Variants in FOXP1 observed in about 807,000 individuals in gnomAD.
FOXP1 encodes the protein forkhead box protein P1.
In FOXP1, 15 loss-of-function variants were observed where a neutral mutation model predicts 98.2. The ratio of observed to expected loss-of-function variants is 0.15; its 90% CI spans 0.10 to 0.24. The LOEUF is 0.24. FOXP1 is among the 10% of genes least tolerant of loss of function. FOXP1 has a pLI of 1.00. For missense variants in FOXP1, 633 were observed against 848.5 expected (o/e 0.75, Z 3.15); for synonymous variants, 371 against 314.5 (o/e 1.18, Z -1.90).
chr3:71,245,524 T>A (rs1354679160), intron 5 of FOXP1, among the ~76,000 whole-genome samples: 1 of 152,128 alleles, frequency 6.6e-6, no homozygotes, highest in Non-Finnish European at 1.5e-5. Context: ...GGATGTGAAT[T>A]TTCAATCCCT....
intron 2 of FOXP1, among the ~76,000 whole-genome samples, chr3:71,543,964 G>A (rs2045112092): frequency 6.6e-6 from 1 of 150,494 alleles, no homozygotes; most frequent in Admixed American, 6.6e-5. Context: ...TGCTGTGCCT[G>A]TGTGTGTTTA....
chr3:71,248,656 G>A (rs914880885), intron 5 of FOXP1, among the ~76,000 whole-genome samples: 32 of 151,606 alleles, frequency 2.1e-4, no homozygotes, highest in African/African-American at 6.1e-4. Flanking sequence ...CAGGAGAATC[G>A]CTTGAACCTG....
At chr3:71,475,707 T>G (rs1278390971) in intron 3 of FOXP1, among the ~76,000 whole-genome samples, 10 of 152,042 alleles carry the variant, frequency 6.6e-5, no homozygotes, top group Non-Finnish European at 1.3e-4. Flanking sequence ...GCTGGTGTGG[T>G]GCTGTGCACC....
intron 2 of FOXP1, chr3:71,581,182 T>C (rs2048132744): frequency 5.1e-6 from 5 of 985,124 alleles, no homozygotes; most frequent in African/African-American, 1.7e-5. Context: ...CAATACACTT[T>C]GTAATCAGCC....
Position 71,354,851 on chromosome 3 carries a change from C to T in FOXP1, c.-73+4299G>A, listed in dbSNP as rs865948523. ...CTCAGTGGCTAGGTAATGCTATTAC[C>T]CCTGCCCCAGGCAAGTAAACTGAGT... On this transcript the variant is annotated intron_variant, in intron 4 of 20. Coordinates refer to ENST00000649528, the MANE Select transcript of FOXP1 (RefSeq NM_001349338.3). Among the ~76,000 whole-genome samples the T allele has an allele frequency of 2.6e-5, 4 of 152,146 alleles. No homozygotes were observed. The South Asian group carries it at 8.3e-4, about 32-fold the overall frequency.
In FOXP1 at chr3:70,977,731, G is replaced by T. The variant is rs1293080527; in HGVS notation, c.1349-9C>A. ...GTTCTGCGCAATATCTGCTGAATAA[G>T]AATCATTGTCCTATTAATTATCACT... On this transcript the variant is annotated splice_polypyrimidine_tract_variant and intron_variant, in intron 15 of 20. Transcript: ENST00000649528. 6.2e-7 allele frequency: 1 copy of T among 1,613,754 alleles called. No individual in the cohort carries two copies.
chr3:71,196,127 T>C (rs1003438422), intron 6 of FOXP1, among the ~76,000 whole-genome samples: 5 of 152,186 alleles, frequency 3.3e-5, no homozygotes, highest in African/African-American at 1.2e-4. Flanking sequence ...CTTCCCAAAA[T>C]GTGTCAACGA....
At chr3:71,082,314 G>A (rs2107530961) in intron 7 of FOXP1, among the ~76,000 whole-genome samples, 1 of 151,462 alleles carries the variant, frequency 6.6e-6, no homozygotes, top group African/African-American at 2.4e-5. Context: ...AATAGACGGT[G>A]CTGATGTCTA....
Position 70,955,597 on chromosome 3 carries a change from A to G in FOXP1, c.*3650T>C. 4.3e-6 allele frequency: 1 copy of G among 233,212 alleles called. No homozygotes were observed. The highest frequency in any genetic ancestry group is 8.5e-6 in the Non-Finnish European group (1 of 117,940). 14.4% of individuals were successfully genotyped at this position (233,212 alleles called of 1,614,324 possible). A position where few individuals can be genotyped will look rare whatever the true frequency, so the allele number is the denominator to read the frequency against. ...TTTTTTTTTTTTATACAAAAGTTCA[A>G]TAGTTTTGACACTCCCCATTGTTAA... On this transcript the variant is annotated 3_prime_UTR_variant, in exon 21 of 21. Coordinates refer to ENST00000649528, the MANE Select transcript of FOXP1 (RefSeq NM_001349338.3).
At chr3:71,090,968 A>AT (rs1353300133) in intron 7 of FOXP1, among the ~76,000 whole-genome samples, 2 of 152,076 alleles carry the variant, frequency 1.3e-5, no homozygotes, top group Admixed American at 6.5e-5. Context: ...ATAAAATTCA[A>AT]TTTTTTGTGT....
In FOXP1 at chr3:71,116,525, T is replaced by A. The variant is rs527741550; in HGVS notation, c.181-3888A>T. Among the ~76,000 whole-genome samples the A allele has an allele frequency of 9.8e-5, 15 of 152,328 alleles. No homozygotes were observed. In the South Asian group the frequency reaches 2.7e-3, roughly 27 times the overall value. Reference sequence around the variant, plus strand: ...GGAGAGACAACACTAGTGCAGAGAATAATTCATTTTGATGTGAATTGCTAT... The same window carrying A: ...GGAGAGACAACACTAGTGCAGAGAAAAATTCATTTTGATGTGAATTGCTAT... On this transcript the variant is annotated intron_variant, in intron 6 of 20. Transcript: ENST00000649528.
At chr3:71,196,735 T>C (rs2063325059) in intron 6 of FOXP1, among the ~76,000 whole-genome samples, 1 of 152,232 alleles carries the variant, frequency 6.6e-6, no homozygotes, top group African/African-American at 2.4e-5. Flanking sequence ...TGCTGGGTTT[T>C]GCTAACAACC....
rs543277120 is a variant in FOXP1, at chr3:71,542,028, A to G, written c.-298+39521T>C. On this transcript the variant is annotated intron_variant, in intron 2 of 20. Transcript: ENST00000649528. Reference sequence around the variant, plus strand: ...AATACAAACATGGGCTTTCCAATATATAAAATTTAAGAAAAGCCAGGGTCT... The same window carrying G: ...AATACAAACATGGGCTTTCCAATATGTAAAATTTAAGAAAAGCCAGGGTCT... 1.7e-4 allele frequency: 89 copies of G among 534,142 alleles called. 1 individual carries two copies. Among genetic ancestry groups the G allele is most frequent in the South Asian group, 1.2e-3 (88 of 71,416 alleles). The allele number at this position is 534,142 out of a possible 1,614,324, so 33.1% of individuals were successfully genotyped here.
At chr3:71,300,281 AT>A (rs569061093) in intron 4 of FOXP1, among the ~76,000 whole-genome samples, 2 of 152,152 alleles carry the variant, frequency 1.3e-5, no homozygotes, top group East Asian at 1.9e-4. Flanking sequence ...GCAAAGACTT[AT>A]TTTTTTCCCC....
At chr3:71,447,703 T>C (rs2086579282) in intron 3 of FOXP1, among the ~76,000 whole-genome samples, 2 of 152,196 alleles carry the variant, frequency 1.3e-5, no homozygotes, top group Non-Finnish European at 1.5e-5. Flanking sequence ...TTGCAACAGA[T>C]AGAAGCAAAG....
At chr3:71,397,275 G>C (rs1432682456) in intron 3 of FOXP1, among the ~76,000 whole-genome samples, 1 of 151,436 alleles carries the variant, frequency 6.6e-6, no homozygotes, top group East Asian at 1.9e-4. Flanking sequence ...CGGAAGGAAC[G>C]AGATCTAACT....
In FOXP1 at chr3:70,996,738, C is replaced by T. The variant is rs2041422285; in HGVS notation, c.1062+4234G>A. 2.6e-5 allele frequency among the ~76,000 whole-genome samples: 4 copies of T among 152,284 alleles called. No homozygotes were observed. The South Asian group carries it at 8.3e-4, about 32-fold the overall frequency. ...TTTTATGATGACCCTCTAGGTTAGA[C>T]ATCCTGAACCTCCATCGATGTATAT... On this transcript the variant is annotated intron_variant, in intron 13 of 20. Coordinates refer to ENST00000649528, the MANE Select transcript of FOXP1 (RefSeq NM_001349338.3).
chr3:71,082,633 A>AT (rs1400567768), intron 7 of FOXP1, among the ~76,000 whole-genome samples: 5 of 151,652 alleles, frequency 3.3e-5, no homozygotes, highest in Non-Finnish European at 7.4e-5. Context: ...ATAAAATAAA[A>AT]AAAAAAGAAA....
At chr3:71,114,948 G>A (rs2058244198) in intron 6 of FOXP1, among the ~76,000 whole-genome samples, 1 of 152,154 alleles carries the variant, frequency 6.6e-6, no homozygotes, top group African/African-American at 2.4e-5. Flanking sequence ...AGTCCCCTTT[G>A]CAAGGTGCCT....
Sources: allele counts gnomAD v4.1 joint callset (sites outside exome capture counted in the v4.1 genomes callset), GRCh38; gene constraint gnomAD v4.1.1; transcripts MANE v1.5; gene names NCBI Gene and HGNC (gene_info 2026-07-23, HGNC 2026-07-21).